The following GRID2 variants were observed in gnomAD, a reference collection of about 807,000 sequenced individuals.
The protein encoded by GRID2 is glutamate ionotropic receptor delta type subunit 2, also known as glutamate receptor ionotropic, delta-2.
A neutral mutation model predicts 114.8 loss-of-function variants in GRID2; 33 were observed. The ratio of observed to expected loss-of-function variants is 0.29; its 90% CI spans 0.22 to 0.38. The LOEUF (loss-of-function observed/expected upper bound fraction) is 0.38, where lower values mean the gene tolerates loss of function less well. GRID2 is among the 10% of genes least tolerant of loss of function. The pLI, the probability that GRID2 is intolerant of heterozygous loss-of-function variation, is 1.00. For missense variants in GRID2, 1,184 were observed against 1,257.7 expected (o/e 0.94, Z 0.89); for synonymous variants, 505 against 449.9 (o/e 1.12, Z -1.55).
chr4:92,488,515 G>C (rs1723000419), intron 1 of GRID2, among the ~76,000 whole-genome samples: 1 of 152,096 alleles, frequency 6.6e-6, no homozygotes, highest in Non-Finnish European at 1.5e-5. Flanking sequence ...TACTTTTCTA[G>C]ACTCTCATAT....
At chr4:93,257,004 A>G (rs1749672867) in intron 8 of GRID2, among the ~76,000 whole-genome samples, 1 of 151,868 alleles carries the variant, frequency 6.6e-6, no homozygotes, top group Non-Finnish European at 1.5e-5. Context: ...TTATTTGCTT[A>G]TTTTTTGATG....
chr4:92,935,197 A>T lies in GRID2; in HGVS notation c.245-149798A>T. On this transcript the variant is annotated intron_variant, in intron 2 of 15. Transcript: ENST00000282020. Reference sequence around the variant, plus strand: ...GAACTCAAACAAATTTACAAGAAAAAAACAACCCCATCAAAAAGTGGGCAA... The same window carrying T: ...GAACTCAAACAAATTTACAAGAAAATAACAACCCCATCAAAAAGTGGGCAA... Among the ~76,000 whole-genome samples the T allele has an allele frequency of 1.4e-5, 2 of 144,994 alleles. 1 individual carries two copies.
chr4:92,887,200 G>C (rs1271269841), intron 2 of GRID2, among the ~76,000 whole-genome samples: 1 of 152,182 alleles, frequency 6.6e-6, no homozygotes, highest in Non-Finnish European at 1.5e-5. Context: ...ATGGTAAAGA[G>C]AGAAAGCCCA....
chr4:92,896,537 G>C (rs1267487390), intron 2 of GRID2, among the ~76,000 whole-genome samples: 1 of 150,608 alleles, frequency 6.6e-6, no homozygotes, highest in Non-Finnish European at 1.5e-5. Context: ...GTTGTTTAAA[G>C]TTACCATATT....
intron 2 of GRID2, among the ~76,000 whole-genome samples, chr4:93,020,942 G>A (rs1723221105): frequency 6.6e-6 from 1 of 151,680 alleles, no homozygotes; most frequent in Non-Finnish European, 1.5e-5. Context: ...TGAGGCAGGA[G>A]AATCGCTTGC....
chr4:93,362,323 C>G (rs879561920), intron 8 of GRID2, among the ~76,000 whole-genome samples: 4 of 151,766 alleles, frequency 2.6e-5, no homozygotes, highest in East Asian at 1.9e-4. Context: ...GAGTTGTTGC[C>G]GGGGGACGGG....
At chr4:93,446,677 A>G (rs1353392033) in intron 10 of GRID2, among the ~76,000 whole-genome samples, 1 of 151,912 alleles carries the variant, frequency 6.6e-6, no homozygotes, top group Non-Finnish European at 1.5e-5. Flanking sequence ...GACTCCAGCA[A>G]TTTTCACATG....
chr4:93,624,019 T>C (rs1312017705), intron 13 of GRID2, among the ~76,000 whole-genome samples: 1 of 152,128 alleles, frequency 6.6e-6, no homozygotes, highest in African/African-American at 2.4e-5. Flanking sequence ...AGAAACTTGT[T>C]CAAGTTGTCT....
chr4:92,933,556 A>G (rs1461469598), intron 2 of GRID2, among the ~76,000 whole-genome samples: 1 of 151,578 alleles, frequency 6.6e-6, no homozygotes, highest in Non-Finnish European at 1.5e-5. Context: ...CTAAGAAATG[A>G]TAAGCCATGC....
intron 2 of GRID2, among the ~76,000 whole-genome samples, chr4:93,012,005 A>T (rs1010483833): frequency 2.7e-5 from 4 of 150,706 alleles, no homozygotes; most frequent in Non-Finnish European, 5.9e-5. Context: ...CATAGGAATG[A>T]TGACTAGCAC....
intron 13 of GRID2, among the ~76,000 whole-genome samples, chr4:93,532,977 G>T (rs2149515826): frequency 6.6e-6 from 1 of 152,184 alleles, no homozygotes; most frequent in East Asian, 1.9e-4. Flanking sequence ...CTTGGTGTTT[G>T]TCTACTAATG....
At chr4:93,585,552 G>A (rs1307489388) in intron 13 of GRID2, among the ~76,000 whole-genome samples, 1 of 152,042 alleles carries the variant, frequency 6.6e-6, no homozygotes, top group Non-Finnish European at 1.5e-5. Context: ...AGGTCCATTT[G>A]TAAACTGCTT....
At chr4:92,824,010 G>T (rs1416210290) in intron 2 of GRID2, among the ~76,000 whole-genome samples, 1 of 152,116 alleles carries the variant, frequency 6.6e-6, no homozygotes, top group South Asian at 2.1e-4. Flanking sequence ...TAATATTATG[G>T]ATAATATCTA....
chr4:93,177,288 A>G (rs947139954), intron 4 of GRID2, among the ~76,000 whole-genome samples: 5 of 152,178 alleles, frequency 3.3e-5, no homozygotes, highest in African/African-American at 1.2e-4. Context: ...TTAGAAGTAA[A>G]GAGACAAACT....
chr4:92,373,378 GT>G (rs989786279), intron 1 of GRID2, among the ~76,000 whole-genome samples: 1 of 152,152 alleles, frequency 6.6e-6, no homozygotes, highest in Non-Finnish European at 1.5e-5. Flanking sequence ...TGATGATGGT[GT>G]TCTATGAAAT....
chr4:92,585,136 GT>G (rs1178141384), intron 1 of GRID2, among the ~76,000 whole-genome samples: 4 of 151,910 alleles, frequency 2.6e-5, no homozygotes, highest in Non-Finnish European at 5.9e-5. Context: ...GGAAAGATTG[GT>G]TTGATGAATA....
At chr4:93,367,505 C>A (rs987420066) in intron 8 of GRID2, among the ~76,000 whole-genome samples, 1 of 151,934 alleles carries the variant, frequency 6.6e-6, no homozygotes, top group East Asian at 1.9e-4. Context: ...ATTACCACAT[C>A]CTTGGTTTAA....
intron 2 of GRID2, among the ~76,000 whole-genome samples, chr4:92,885,875 T>C (rs1746332625): frequency 1.3e-5 from 2 of 152,188 alleles, no homozygotes; most frequent in Admixed American, 6.5e-5. Context: ...GAACCTGTTA[T>C]GGGTATAGTA....
At chr4:93,205,743 A>G (rs1350380554) in intron 4 of GRID2, among the ~76,000 whole-genome samples, 1 of 152,092 alleles carries the variant, frequency 6.6e-6, no homozygotes, top group Admixed American at 6.6e-5. Flanking sequence ...ACTGACTTCC[A>G]CAATGGTTGA....
Sources: allele counts gnomAD v4.1 joint callset (sites outside exome capture counted in the v4.1 genomes callset), GRCh38; gene constraint gnomAD v4.1.1; transcripts MANE v1.5; gene names NCBI Gene and HGNC (gene_info 2026-07-23, HGNC 2026-07-21).